IL17D: variants seen among roughly 807,000 people sequenced by gnomAD.
The protein encoded by IL17D is interleukin 17D, also known as interleukin-17D.
A neutral mutation model predicts 5.7 loss-of-function variants in IL17D; 10 were observed. The ratio of observed to expected loss-of-function variants is 1.75; its 90% CI spans 1.08 to 2.97. IL17D has a LOEUF of 2.97. Among genes scored for constraint, IL17D ranks in the 30% most tolerant of loss-of-function variants. The pLI is 0.00. For synonymous variants in IL17D, 172 were observed against 141.7 expected (o/e 1.21, Z -1.52); for missense variants, 354 against 292.7 (o/e 1.21, Z -1.53).
chr13:20,704,573 C>A (rs1430274157), intron 1 of IL17D, among the ~76,000 whole-genome samples: 1 of 149,384 alleles, frequency 6.7e-6, no homozygotes, highest in Non-Finnish European at 1.5e-5. Flanking sequence ...AGTTGGAGCA[C>A]TGGGGGGCAA....
At chr13:20,719,416 C>T (rs1043720372) in intron 1 of IL17D, among the ~76,000 whole-genome samples, 1 of 149,856 alleles carries the variant, frequency 6.7e-6, no homozygotes, top group Non-Finnish European at 1.5e-5. Context: ...CTCACAGCTT[C>T]CCACACTCAC....
rs2058742544 is a variant in IL17D at position 20,722,207 on chromosome 13, G to C, written c.*253G>C. 1 of 491,334 alleles carries C rather than the reference G, an allele frequency of 2.0e-6. No homozygotes were observed. Among genetic ancestry groups the C allele is most frequent in the Admixed American group, 3.8e-5 (1 of 25,994 alleles). 30.4% of individuals were successfully genotyped at this position (491,334 alleles called of 1,614,324 possible). A position where few individuals can be genotyped will look rare whatever the true frequency, so the allele number is the denominator to read the frequency against. On this transcript the variant is annotated 3_prime_UTR_variant, in exon 2 of 2. Coordinates refer to ENST00000682841, the MANE Select transcript of IL17D (RefSeq NM_001385224.1). ...AAACGACCCGGCACGGGCATCCTGT[G>C]TGCGGCCCGCATGGAGGGTTTGGAA... is the stretch of plus-strand genomic sequence containing the variant.
chr13:20,705,715 GAA>G (rs2058586960), intron 1 of IL17D, among the ~76,000 whole-genome samples: 1 of 151,992 alleles, frequency 6.6e-6, no homozygotes, highest in Admixed American at 6.5e-5. Context: ...AAATTAAAGA[GAA>G]AAAAAGTCTT....
Position 20,721,730 on chromosome 13 carries a change from G to T in IL17D, c.385G>T (p.Val129Leu). 2.5e-6 allele frequency: 4 copies of T among 1,610,900 alleles called. No homozygotes were observed. The highest frequency in any genetic ancestry group is 3.4e-6 in the Non-Finnish European group (4 of 1,179,468). Residue 129 changes from valine to leucine, a missense_variant, in exon 2 of 2, where the codon GTG becomes TTG. Transcript: ENST00000682841. ...GACCGGGCTGTTCGGCGAGGAGGACGTGCGCTTCCGCAGCGCCCCTGTCTA... is the reference window on the plus strand; with the variant it reads ...GACCGGGCTGTTCGGCGAGGAGGACTTGCGCTTCCGCAGCGCCCCTGTCTA... Reference protein sequence around the residue: ...CLTGLFGEEDVRFRSAPVYMP... With the variant: ...CLTGLFGEEDLRFRSAPVYMP...
intron 1 of IL17D, among the ~76,000 whole-genome samples, chr13:20,715,803 G>A (rs1208771552): frequency 6.6e-6 from 1 of 152,124 alleles, no homozygotes; most frequent in East Asian, 1.9e-4. Flanking sequence ...GAGTGCAGTG[G>A]CGTGATCATG....
At chr13:20,714,952 C>T (rs1180380153) in intron 1 of IL17D, among the ~76,000 whole-genome samples, 1 of 152,188 alleles carries the variant, frequency 6.6e-6, no homozygotes, top group Non-Finnish European at 1.5e-5. Flanking sequence ...GGCCAGCCAC[C>T]AGAGCCCTAC....
chr13:20,719,887 G>A (rs2058717545), intron 1 of IL17D, among the ~76,000 whole-genome samples: 3 of 152,288 alleles, frequency 2.0e-5, no homozygotes, highest in East Asian at 1.9e-4. Flanking sequence ...ATGTCACTGC[G>A]CCAGGACGGC....
At chr13:20,714,773 A>T (rs1349136348) in intron 1 of IL17D, among the ~76,000 whole-genome samples, 1 of 152,142 alleles carries the variant, frequency 6.6e-6, no homozygotes, top group Non-Finnish European at 1.5e-5. Flanking sequence ...TGCACGACTG[A>T]TGTTTTCTTG....
At chr13:20,708,717 C>T (rs1292469629) in intron 1 of IL17D, among the ~76,000 whole-genome samples, 6 of 151,478 alleles carry the variant, frequency 4.0e-5, no homozygotes, top group Middle Eastern at 3.4e-3. Flanking sequence ...GGACCAGTGA[C>T]GGCCGGGTGC....
upstream of IL17D, chr13:20,703,511 G>T: frequency 1.2e-6 from 1 of 846,694 alleles, no homozygotes; most frequent in Non-Finnish European, 1.4e-6. Flanking sequence ...CGGGCTGGCT[G>T]GGGCGGGCGG....
intron 1 of IL17D, 34 bp downstream of exon 1, chr13:20,704,325 A>T: frequency 3.3e-4 from 109 of 331,784 alleles, no homozygotes; most frequent in Non-Finnish European, 4.1e-4. Context: ...GGGGCCCGGC[A>T]GGTGGGGAGG....
intron 1 of IL17D, among the ~76,000 whole-genome samples, chr13:20,718,585 C>A (rs1251281933): frequency 2.9e-5 from 4 of 140,184 alleles, no homozygotes; most frequent in Admixed American, 7.1e-5. Context: ...TCACACCTGC[C>A]CCCACACACC....
chr13:20,716,244 G>A lies in IL17D; in HGVS notation c.291-5392G>A, dbSNP rs971551575. 4 of 224,662 alleles carry A rather than the reference G, an allele frequency of 1.8e-5. No individual in the cohort carries two copies. Among genetic ancestry groups the A allele is most frequent in the Admixed American group, 6.5e-5 (1 of 15,348 alleles). 13.9% of individuals were successfully genotyped at this position (224,662 alleles called of 1,614,324 possible). On this transcript the variant is annotated intron_variant, in intron 1 of 1. Coordinates refer to ENST00000682841, the MANE Select transcript of IL17D (RefSeq NM_001385224.1). This position sits in a 1 kb window ranked among gnomAD's most constrained non-coding sequence, Gnocchi z 4.2. ...CTTGGTATTACCATGGTTGTATAAC[G>A]TCTTGAGATCTGCTGGCGTGAGTCT... is the stretch of plus-strand genomic sequence containing the variant.
chr13:20,717,541 A>T (rs759200932), intron 1 of IL17D, among the ~76,000 whole-genome samples: 1 of 151,974 alleles, frequency 6.6e-6, no homozygotes, highest in Non-Finnish European at 1.5e-5. Flanking sequence ...TTCTCTCATG[A>T]CCTCTTTCCC....
chr13:20,709,536 T>A (rs2141385568), intron 1 of IL17D, among the ~76,000 whole-genome samples: 1 of 152,128 alleles, frequency 6.6e-6, no homozygotes, highest in African/African-American at 2.4e-5. Context: ...CATTTCTACG[T>A]TAAAAGGGAA....
chr13:20,710,472 A>AAAAAT (rs2058626497), intron 1 of IL17D, among the ~76,000 whole-genome samples: 1 of 145,664 alleles, frequency 6.9e-6, no homozygotes, highest in Non-Finnish European at 1.5e-5. Flanking sequence ...AAAAAAAAAA[A>AAAAAT]TACGAAATTA....
intron 1 of IL17D, among the ~76,000 whole-genome samples, chr13:20,720,868 C>G (rs1463436185): frequency 1.0e-5 from 1 of 99,402 alleles, no homozygotes; most frequent in Non-Finnish European, 2.2e-5. Context: ...GACCACCTCC[C>G]TCCCAACCCC....
At chr13:20,703,324 A>G, upstream of IL17D, 1 of 986,256 alleles carries the variant, frequency 1.0e-6, no homozygotes, top group Non-Finnish European at 1.2e-6. Context: ...GGCACTGGTG[A>G]GTACACTGCA....
At chr13:20,718,517 C>G (rs1366568670) in intron 1 of IL17D, among the ~76,000 whole-genome samples, 6 of 129,848 alleles carry the variant, frequency 4.6e-5, no homozygotes, top group African/African-American at 1.8e-4. Flanking sequence ...CTCAGACACA[C>G]TTACCCCCCA....
Sources: allele counts gnomAD v4.1 joint callset (sites outside exome capture counted in the v4.1 genomes callset), GRCh38; gene constraint gnomAD v4.1.1; non-coding constraint Gnocchi (gnomAD v3.1); transcripts MANE v1.5; gene names NCBI Gene and HGNC (gene_info 2026-07-23, HGNC 2026-07-21).